SNTG1: variants seen among roughly 807,000 people sequenced by gnomAD.
SNTG1 encodes gamma-1-syntrophin.
A neutral mutation model predicts 74.7 loss-of-function variants in SNTG1; 39 were observed. The ratio of observed to expected loss-of-function variants is 0.52; its 90% confidence interval spans 0.40 to 0.68. The LOEUF (loss-of-function observed/expected upper bound fraction) is 0.68. Ranked by LOEUF, SNTG1 falls within the 30% of genes least tolerant of loss-of-function variation. The probability of loss-of-function intolerance (pLI) is 0.00; values close to 1 mark genes in which losing one functional copy is unlikely to be tolerated. For missense variants in SNTG1, 685 were observed against 609.5 expected (o/e 1.12, Z -1.30); for synonymous variants, 254 against 217.1 (o/e 1.17, Z -1.49).
chr8:50,706,326 A>T (rs2131539657), intron 16 of SNTG1, among the ~76,000 whole-genome samples: 1 of 152,298 alleles, frequency 6.6e-6, no homozygotes, highest in East Asian at 1.9e-4. Context: ...CTGAGTCAAG[A>T]TCCAAGACCA....
At chr8:49,982,950 A>T (rs1217468051) in intron 1 of SNTG1, among the ~76,000 whole-genome samples, 2 of 152,220 alleles carry the variant, frequency 1.3e-5, no homozygotes, top group Admixed American at 6.5e-5. Flanking sequence ...TTTAAAAAGC[A>T]TTAAACATTA....
chr8:50,441,126 G>A (rs898663922), intron 5 of SNTG1, among the ~76,000 whole-genome samples: 1 of 152,090 alleles, frequency 6.6e-6, no homozygotes, highest in African/African-American at 2.4e-5. Flanking sequence ...GGCTTCTTAT[G>A]TAGGTCTGAG....
At chr8:50,210,450 C>T (rs188702192) in intron 2 of SNTG1, among the ~76,000 whole-genome samples, 189 of 152,068 alleles carry the variant, frequency 1.2e-3, no homozygotes, top group Non-Finnish European at 1.8e-3. Context: ...GTTGAAATGA[C>T]GGAAAAAATG....
intron 15 of SNTG1, among the ~76,000 whole-genome samples, chr8:50,689,642 C>T (rs1439372290): frequency 6.6e-6 from 1 of 152,092 alleles, no homozygotes; most frequent in African/African-American, 2.4e-5. Context: ...CTGCTGGATT[C>T]GTTTTGCCAG....
intron 15 of SNTG1, among the ~76,000 whole-genome samples, chr8:50,666,370 C>A (rs896254129): frequency 3.3e-5 from 5 of 152,032 alleles, no homozygotes; most frequent in Non-Finnish European, 5.9e-5. Context: ...GAATGAAGCC[C>A]AAGGACTAGA....
At chr8:50,650,532 A>T (rs1018640054) in intron 13 of SNTG1, among the ~76,000 whole-genome samples, 2 of 152,142 alleles carry the variant, frequency 1.3e-5, no homozygotes, top group African/African-American at 2.4e-5. Context: ...TTTTTAAAAA[A>T]CAATTAGTAG....
At chr8:50,640,777 C>T (rs540201208) in intron 13 of SNTG1, among the ~76,000 whole-genome samples, 7 of 152,208 alleles carry the variant, frequency 4.6e-5, no homozygotes, top group African/African-American at 1.2e-4. Flanking sequence ...CATGTTCAAA[C>T]CCCACACCTT....
intron 1 of SNTG1, among the ~76,000 whole-genome samples, chr8:49,950,774 G>A (rs536265056): frequency 6.6e-6 from 1 of 152,250 alleles, no homozygotes; most frequent in South Asian, 2.1e-4. Context: ...CATGCAAAAA[G>A]GCTGTGGACT....
intron 1 of SNTG1, among the ~76,000 whole-genome samples, chr8:50,030,216 A>G (rs915429160): frequency 3.9e-5 from 6 of 151,990 alleles, no homozygotes; most frequent in African/African-American, 1.4e-4. Context: ...TTTGTCTGAT[A>G]GAGTTTTTTG....
At chr8:50,692,336 G>T (rs1468480963) in intron 15 of SNTG1, among the ~76,000 whole-genome samples, 1 of 152,010 alleles carries the variant, frequency 6.6e-6, no homozygotes, top group African/African-American at 2.4e-5. Flanking sequence ...TGATTTTTAG[G>T]GTTTCCAGTT....
intron 1 of SNTG1, among the ~76,000 whole-genome samples, chr8:50,029,203 T>C (rs1288842295): frequency 6.6e-6 from 1 of 152,194 alleles, no homozygotes; most frequent in Non-Finnish European, 1.5e-5. Context: ...TTTTAATTAT[T>C]ATAGGCTCAT....
chr8:50,621,703 G>T (rs2131047938), intron 13 of SNTG1, among the ~76,000 whole-genome samples: 1 of 152,276 alleles, frequency 6.6e-6, no homozygotes, highest in East Asian at 1.9e-4. Context: ...AAGTCTATAT[G>T]AGCCACTGAT....
At chr8:50,497,446 T>G (rs2093914365) in intron 8 of SNTG1, among the ~76,000 whole-genome samples, 1 of 152,014 alleles carries the variant, frequency 6.6e-6, no homozygotes, top group African/African-American at 2.4e-5. Context: ...GCCCCATATA[T>G]TTTAATTTAT....
chr8:50,444,487 C>G (rs2093387198), intron 5 of SNTG1, among the ~76,000 whole-genome samples: 1 of 152,124 alleles, frequency 6.6e-6, no homozygotes, highest in African/African-American at 2.4e-5. Flanking sequence ...GCACAGGGCT[C>G]ACACTTGTAA....
At chr8:50,333,660 T>C (rs1472844244) in intron 2 of SNTG1, among the ~76,000 whole-genome samples, 1 of 152,206 alleles carries the variant, frequency 6.6e-6, no homozygotes, top group Non-Finnish European at 1.5e-5. Flanking sequence ...AAAACTTCTC[T>C]CGCTTGAGTT....
intron 2 of SNTG1, among the ~76,000 whole-genome samples, chr8:50,201,158 C>T (rs1328343431): frequency 6.6e-6 from 1 of 152,114 alleles, no homozygotes; most frequent in Admixed American, 6.6e-5. Context: ...TAACATACAT[C>T]TTATAGCCAT....
chr8:50,566,074 A>T (rs1272167315), intron 12 of SNTG1, among the ~76,000 whole-genome samples: 1 of 151,956 alleles, frequency 6.6e-6, no homozygotes, highest in East Asian at 1.9e-4. Flanking sequence ...CTTTAATTTT[A>T]TATATTGTCT....
At chr8:50,402,980 A>G (rs527983864) in intron 4 of SNTG1, among the ~76,000 whole-genome samples, 16 of 152,374 alleles carry the variant, frequency 1.1e-4, no homozygotes, top group Non-Finnish European at 1.8e-4. Flanking sequence ...TCGAGGCAGC[A>G]TAGCTATGGA....
intron 2 of SNTG1, among the ~76,000 whole-genome samples, chr8:50,298,799 T>C (rs1225074168): frequency 6.6e-6 from 1 of 152,180 alleles, no homozygotes; most frequent in East Asian, 1.9e-4. Context: ...CTGTATACAC[T>C]TCTGTGTTTC....
Sources: gnomAD v4.1 joint callset for allele counts (sites outside exome capture counted in the v4.1 genomes callset) on GRCh38, gnomAD v4.1.1 for gene constraint, MANE v1.5 for transcripts, NCBI Gene and HGNC (gene_info 2026-07-23, HGNC 2026-07-21) for gene names.